The following GALNT15 variants were observed in gnomAD, a reference collection of about 807,000 sequenced individuals.
GALNT15 encodes UDP-GalNAc transferase T15.
GALNT15 carries 67 observed loss-of-function variants against 66.8 expected under a neutral mutation model. The ratio of observed to expected loss-of-function variants is 1.00; its 90% confidence interval spans 0.82 to 1.23. The LOEUF is 1.23. Among genes scored for constraint, GALNT15 ranks in the 50% most tolerant of loss-of-function variants. The probability of loss-of-function intolerance (pLI) is 0.00; values close to 1 mark genes in which losing one functional copy is unlikely to be tolerated. For synonymous variants in GALNT15, 313 were observed against 311.5 expected, an observed-to-expected ratio of 1.00 and a Z score of -0.05; for missense variants, 827 against 804.3, an observed-to-expected ratio of 1.03 and a Z score of -0.34.
chr3:16,228,502 A>G lies in GALNT15; in HGVS notation c.*1002A>G. ...CTAAAAATACAAAAATTAGCTGGGC[A>G]TGGTGGCGCATACCTGTAATCCCAG... On this transcript the variant is annotated 3_prime_UTR_variant, in exon 10 of 10. Coordinates refer to ENST00000339732, the MANE Select transcript of GALNT15 (RefSeq NM_054110.5). The G allele has an allele frequency of 7.5e-6, 4 of 534,986 alleles. No individual in the cohort carries two copies. Among genetic ancestry groups the G allele is most frequent in the Non-Finnish European group, 7.2e-6 (3 of 418,644 alleles). The allele number at this position is 534,986 out of a possible 1,614,324, so 33.1% of individuals were successfully genotyped here. A position where few individuals can be genotyped will look rare whatever the true frequency, so the allele number is the denominator to read the frequency against.
At position 16,228,734 on chromosome 3, in the gene GALNT15, C is replaced by T. The variant is rs2064050554; in HGVS notation, c.*1234C>T. The T allele has an allele frequency of 3.0e-6, 3 of 985,320 alleles. No individual in the cohort carries two copies. The highest frequency in any genetic ancestry group is 1.1e-4 in the East Asian group (1 of 8,834). The allele number at this position is 985,320 out of a possible 1,614,324, so 61.0% of individuals were successfully genotyped here. A position where few individuals can be genotyped will look rare whatever the true frequency, so the allele number is the denominator to read the frequency against. On this transcript the variant is annotated 3_prime_UTR_variant, in exon 10 of 10. Coordinates refer to ENST00000339732, the MANE Select transcript of GALNT15 (RefSeq NM_054110.5). ...ACAGCAACCTTTCTAAAAAAGCAAA[C>T]CTTTTTCCTGGGAGGAAAATGCCAG...
intron 1 of GALNT15, among the ~76,000 whole-genome samples, chr3:16,179,843 G>A (rs1391908929): frequency 1.3e-5 from 2 of 152,176 alleles, no homozygotes; most frequent in African/African-American, 2.4e-5. Flanking sequence ...AGCCCATGAT[G>A]GAACCGCAAA....
At chr3:16,207,715 G>A (rs1354390706) in intron 3 of GALNT15, among the ~76,000 whole-genome samples, 1 of 152,052 alleles carries the variant, frequency 6.6e-6, no homozygotes, top group Non-Finnish European at 1.5e-5. Context: ...CTACAAGGAG[G>A]AAGAAGAACT....
In GALNT15 at chr3:16,208,530, T is replaced by A; in HGVS notation, c.939T>A (p.Asp313Glu). 6.2e-7 allele frequency: 1 copy of A among 1,614,110 alleles called. No homozygotes were observed. Among genetic ancestry groups the A allele is most frequent in the East Asian group, 2.2e-5 (1 of 44,882 alleles). The change falls in exon 4 of 10, where the codon GAT becomes GAA. Residue 313 changes from aspartate (D) to glutamate (E), a missense_variant. Coordinates refer to ENST00000339732, the MANE Select transcript of GALNT15 (RefSeq NM_054110.5). Reference protein sequence around the residue: ...DRSRVVSPVIDVIDWKTFQYY... With the variant: ...DRSRVVSPVIEVIDWKTFQYY... ...GCCGAGTGGTATCTCCGGTGATAGA[T>A]GTGATTGACTGGAAGACTTTCCAGT...
rs566887519 is a variant in GALNT15 at position 16,186,299 on chromosome 3, C to A, written c.540-9461C>A. 6.6e-6 allele frequency among the ~76,000 whole-genome samples: 1 copy of A among 152,280 alleles called. No homozygotes were observed. The highest frequency in any genetic ancestry group is 2.1e-4 in the South Asian group (1 of 4,826). ...AAGTAAAAGACAGTGCAAGTGCTGA[C>A]AAGGATGTGGAGAAATTGGAACCCT... On this transcript the variant is annotated intron_variant, in intron 1 of 9. Transcript: ENST00000339732. This position sits in a 1 kb window ranked among gnomAD's most constrained non-coding sequence, Gnocchi z 5.1.
the GALNT15 span, among the ~76,000 whole-genome samples, chr3:16,242,417 G>T: frequency 2.0e-5 from 3 of 152,110 alleles, no homozygotes; most frequent in Non-Finnish European, 4.4e-5. This position sits in a 1 kb window ranked among gnomAD's most constrained non-coding sequence, Gnocchi z 5.6. Context: ...GGGAAATCTT[G>T]ATTAGAGCTG....
intron 9 of GALNT15, among the ~76,000 whole-genome samples, chr3:16,226,019 C>T (rs138439471): frequency 4.2e-4 from 63 of 150,364 alleles, no homozygotes; most frequent in Non-Finnish European, 5.0e-4. Context: ...ACTGTACTCC[C>T]GCCTGGGTGA....
At chr3:16,220,598 C>A (rs1215862761) in intron 8 of GALNT15, among the ~76,000 whole-genome samples, 1 of 152,222 alleles carries the variant, frequency 6.6e-6, no homozygotes, top group Non-Finnish European at 1.5e-5. Context: ...GGATCACAAC[C>A]TAGAAAGCCT....
rs1411266653 is a variant in GALNT15 at position 16,229,401 on chromosome 3, G to A, written c.*1901G>A. On this transcript the variant is annotated 3_prime_UTR_variant, in exon 10 of 10. Transcript: ENST00000339732. ...TTCAAATGCTCACTACCCACCTGTG[G>A]CTAGGGTCTACTTCTACTGTATTGG... 3 of 854,360 alleles carry A rather than the reference G, an allele frequency of 3.5e-6. No homozygotes were observed. The highest frequency in any genetic ancestry group is 4.2e-6 in the Non-Finnish European group (3 of 710,598). The allele number at this position is 854,360 out of a possible 1,614,324, so 52.9% of individuals were successfully genotyped here. A position where few individuals can be genotyped will look rare whatever the true frequency, so the allele number is the denominator to read the frequency against.
intron 2 of GALNT15, among the ~76,000 whole-genome samples, chr3:16,197,940 C>A (rs1243405095): frequency 1.0e-5 from 1 of 97,368 alleles, no homozygotes; most frequent in East Asian, 3.2e-4. Flanking sequence ...AGCTCTCTTG[C>A]TAGAAGTCTG....
In GALNT15 at chr3:16,202,398, C is replaced by T. The variant is rs1365405616; in HGVS notation, c.911+1575C>T. 4.6e-5 allele frequency among the ~76,000 whole-genome samples: 7 copies of T among 152,224 alleles called. No homozygotes were observed. In the East Asian group the frequency reaches 7.7e-4, roughly 17 times the overall value. ...CTGTAATCCCAGCACTTTGGGAGGC[C>T]GAGGCAGACGGATCACCTGAGGTCA... On this transcript the variant is annotated intron_variant, in intron 3 of 9. Transcript: ENST00000339732.
chr3:16,208,305 T>C (rs565236875), intron 3 of GALNT15, among the ~76,000 whole-genome samples, 198 bp from the exon 4 acceptor site: 1 of 152,290 alleles, frequency 6.6e-6, no homozygotes, highest in East Asian at 1.9e-4. Context: ...ATTATTAAGA[T>C]TTTTGCATCA....
rs2064052641 is a variant in GALNT15 at position 16,228,925 on chromosome 3, A to G, written c.*1425A>G. 1 of 985,448 alleles carries G rather than the reference A, an allele frequency of 1.0e-6. No homozygotes were observed. The allele number at this position is 985,448 out of a possible 1,614,324, so 61.0% of individuals were successfully genotyped here. On this transcript the variant is annotated 3_prime_UTR_variant, in exon 10 of 10. Coordinates refer to ENST00000339732, the MANE Select transcript of GALNT15 (RefSeq NM_054110.5). The stretch of plus-strand genomic sequence containing the variant: ...ACACGGCTCATCTGGAGCACAGCTG[A>G]GGCTAGTAAGAGCTAAATGACTTTC...
At chr3:16,238,326 TAAC>T in the GALNT15 span, among the ~76,000 whole-genome samples, 87,766 of 151,604 alleles carry the variant, frequency 0.58, 25,652 homozygotes, top group South Asian at 0.7. This position sits in a 1 kb window ranked among gnomAD's most constrained non-coding sequence, Gnocchi z 4.8. Context: ...ATCATAGTAA[TAAC>T]AACAACCATA....
rs953850875 is a variant in GALNT15, at chr3:16,228,252, A to G, written c.*752A>G. The G allele has an allele frequency of 3.0e-6, 3 of 985,744 alleles. No individual in the cohort carries two copies. In the African/African-American group the frequency reaches 5.2e-5, roughly 17 times the overall value. 61.1% of individuals were successfully genotyped at this position (985,744 alleles called of 1,614,324 possible). On this transcript the variant is annotated 3_prime_UTR_variant, in exon 10 of 10. Coordinates refer to ENST00000339732, the MANE Select transcript of GALNT15 (RefSeq NM_054110.5). ...CTCTAACTTGGTTAACCATAACCAT[A>G]ACCAGATTCCCTTGCAATCGATTTC...
Position 16,227,620 on chromosome 3 carries a change from G to C in GALNT15, c.*120G>C. The C allele has an allele frequency of 6.4e-7, 1 of 1,551,994 alleles. No homozygotes were observed. The highest frequency in any genetic ancestry group is 8.6e-7 in the Non-Finnish European group (1 of 1,157,552). On this transcript the variant is annotated 3_prime_UTR_variant, in exon 10 of 10. Transcript: ENST00000339732. This position sits in a 1 kb window ranked among gnomAD's most constrained non-coding sequence, Gnocchi z 4.5. ...TGTGTGTGTGCTCCTGGTGTTAGGA[G>C]AGAAAAAAGCTCTATGAAAGAATAT... is the stretch of plus-strand genomic sequence containing the variant.
Position 16,175,534 on chromosome 3 carries a change from A to T in GALNT15, c.383A>T (p.Lys128Met). ...ATCAAGCAGCCAAGGAGGCAGGATAAGGAAGCCCCAAAGAGGGACTGGGGG... is the reference window on the plus strand; with the variant it reads ...ATCAAGCAGCCAAGGAGGCAGGATATGGAAGCCCCAAAGAGGGACTGGGGG... ...RLIKQPRRQD[K>M]EAPKRDWGAD... Residue 128 changes from lysine to methionine, a missense_variant, in exon 1 of 10, where the codon AAG (lysine) becomes ATG (methionine). Coordinates refer to ENST00000339732, the MANE Select transcript of GALNT15 (RefSeq NM_054110.5). The surrounding 1 kb of genome is among the most constrained non-coding windows in gnomAD (Gnocchi z 5.6). 6.2e-7 allele frequency: 1 copy of T among 1,614,086 alleles called. No individual in the cohort carries two copies. The highest frequency in any genetic ancestry group is 1.1e-5 in the South Asian group (1 of 91,076).
In GALNT15 at chr3:16,181,525, G is replaced by C. The variant is rs1224223414; in HGVS notation, c.539+5835G>C. On this transcript the variant is annotated intron_variant, in intron 1 of 9. Coordinates refer to ENST00000339732, the MANE Select transcript of GALNT15 (RefSeq NM_054110.5). The surrounding 1 kb of genome is among the most constrained non-coding windows in gnomAD (Gnocchi z 5.9). ...GCAGCTTTGTTGTCAAGTAGAAGAT[G>C]GTGTTGCAATCCACGCGGGGTCCAC... Among the ~76,000 whole-genome samples the C allele has an allele frequency of 6.6e-6, 1 of 152,060 alleles. No individual in the cohort carries two copies. Among genetic ancestry groups the C allele is most frequent in the African/African-American group, 2.4e-5 (1 of 41,410 alleles).
At position 16,203,543 on chromosome 3, in the gene GALNT15, T is replaced by TCTCTCTCTCTCTCACACACACA. The variant is rs1491187404; in HGVS notation, c.911+2721_911+2722insTCTCTCTCTCTCACACACACAC. The stretch of plus-strand genomic sequence containing the variant: ...CATTCTCTCTCTCTCTCTCTCTCTC[T>TCTCTCTCTCTCTCACACACACA]CACACACACACACACACACACACAC... On this transcript the variant is annotated intron_variant, in intron 3 of 9. Coordinates refer to ENST00000339732, the MANE Select transcript of GALNT15 (RefSeq NM_054110.5). The surrounding 1 kb of genome is among the most constrained non-coding windows in gnomAD (Gnocchi z 6.2). 1.6e-5 allele frequency among the ~76,000 whole-genome samples: 1 copy of TCTCTCTCTCTCTCACACACACA among 61,106 alleles called. No homozygotes were observed. The highest frequency in any genetic ancestry group is 5.5e-5 in the African/African-American group (1 of 18,252). 40.1% of individuals were successfully genotyped at this position (61,106 alleles called of 152,430 possible).
Sources: gnomAD v4.1 joint callset for allele counts (sites outside exome capture counted in the v4.1 genomes callset) on GRCh38, gnomAD v4.1.1 for gene constraint, Gnocchi (gnomAD v3.1) non-coding constraint, MANE v1.5 for transcripts, NCBI Gene and HGNC (gene_info 2026-07-23, HGNC 2026-07-21) for gene names.